The following SCOC variants were observed in gnomAD, a reference collection of about 807,000 sequenced individuals.
The protein encoded by SCOC is short coiled coil protein.
In SCOC, 7 loss-of-function variants were observed where a neutral mutation model predicts 9.9. The observed-to-expected ratio is 0.71, with a 90% CI of 0.40 to 1.33. The LOEUF (loss-of-function observed/expected upper bound fraction) is 1.33, where lower values mean the gene tolerates loss of function less well. Among genes scored for constraint, SCOC ranks in the 40% most tolerant of loss-of-function variants. The probability of loss-of-function intolerance (pLI) is 0.01; values close to 1 mark genes in which losing one functional copy is unlikely to be tolerated. For synonymous variants in SCOC, 19 were observed against 28.2 expected, an observed-to-expected ratio of 0.67 and a Z score of 1.03; for missense variants, 66 against 89.7, an observed-to-expected ratio of 0.74 and a Z score of 1.07.
chr4:140,260,507 T>G (rs994492130), intron 1 of SCOC, among the ~76,000 whole-genome samples: 22 of 152,214 alleles, frequency 1.4e-4, no homozygotes, highest in African/African-American at 5.3e-4. Context: ...AAAAGATCTA[T>G]CATATGCTCG....
chr4:140,348,858 A>C (rs1203477105), intron 2 of SCOC, among the ~76,000 whole-genome samples: 1 of 152,140 alleles, frequency 6.6e-6, no homozygotes, highest in Non-Finnish European at 1.5e-5. Flanking sequence ...TGTTCTCCAC[A>C]TCCTGGCCAA....
intron 1 of SCOC, among the ~76,000 whole-genome samples, chr4:140,267,171 G>A (rs1730747287): frequency 6.6e-6 from 1 of 152,214 alleles, no homozygotes; most frequent in Admixed American, 6.5e-5. Flanking sequence ...AATCGGTAAA[G>A]ACACTGGTGA....
intron 1 of SCOC, among the ~76,000 whole-genome samples, chr4:140,317,677 T>A (rs1192776303): frequency 6.9e-6 from 1 of 145,896 alleles, no homozygotes; most frequent in African/African-American, 2.6e-5. Context: ...TTTTATTTAT[T>A]TTATTTGTAT....
At chr4:140,263,299 A>T (rs1056431797) in intron 1 of SCOC, among the ~76,000 whole-genome samples, 5 of 152,180 alleles carry the variant, frequency 3.3e-5, no homozygotes, top group Non-Finnish European at 7.3e-5. Flanking sequence ...TCCACAGAGC[A>T]ATTTAGGACC....
intron 1 of SCOC, among the ~76,000 whole-genome samples, chr4:140,326,695 T>C (rs924546740): frequency 6.6e-6 from 1 of 152,302 alleles, no homozygotes; most frequent in East Asian, 1.9e-4. Flanking sequence ...GGACTTCTAA[T>C]GCTAAAGTCT....
At chr4:140,274,012 A>G (rs1253791751) in intron 1 of SCOC, among the ~76,000 whole-genome samples, 2 of 152,234 alleles carry the variant, frequency 1.3e-5, no homozygotes, top group African/African-American at 2.4e-5. Flanking sequence ...TCTGTTTTCT[A>G]TGGAAAATAT....
chr4:140,379,974 C>G (rs774757640), intron 3 of SCOC, among the ~76,000 whole-genome samples: 2 of 151,982 alleles, frequency 1.3e-5, no homozygotes, highest in Non-Finnish European at 2.9e-5. Flanking sequence ...ATGTATTAGC[C>G]TTGGAGATTA....
chr4:140,317,416 T>C (rs1305571094), intron 1 of SCOC, among the ~76,000 whole-genome samples: 1 of 152,162 alleles, frequency 6.6e-6, no homozygotes, highest in Non-Finnish European at 1.5e-5. Flanking sequence ...AAAAGCATTG[T>C]GAAAATCCCT....
At chr4:140,363,245 A>G (rs1287429100) in intron 2 of SCOC, among the ~76,000 whole-genome samples, 2 of 152,182 alleles carry the variant, frequency 1.3e-5, no homozygotes, top group Non-Finnish European at 2.9e-5. Flanking sequence ...CAGACATCTC[A>G]TGTCTTCCGC....
chr4:140,383,644 A>G lies in SCOC; in HGVS notation c.*2540A>G, dbSNP rs1221216480. The G allele has an allele frequency of 3.3e-5, 5 of 152,236 alleles. No individual in the cohort carries two copies. The highest frequency in any genetic ancestry group is 9.6e-5 in the African/African-American group (4 of 41,532). The allele number at this position is 152,236 out of a possible 1,614,324, so 9.4% of individuals were successfully genotyped here. A position where few individuals can be genotyped will look rare whatever the true frequency, so the allele number is the denominator to read the frequency against. ...TCCTTATCCATTTTCTTCCATGGCT[A>G]CCTCAGAAGTAGAGATTGGGTGTTC... On this transcript the variant is annotated 3_prime_UTR_variant, in exon 4 of 4. Transcript: ENST00000608372.
upstream of SCOC, among the ~76,000 whole-genome samples, chr4:140,343,235 T>G (rs534197602): frequency 9.2e-5 from 14 of 152,332 alleles, no homozygotes; most frequent in South Asian, 2.9e-3. Flanking sequence ...CTTGAGAAGT[T>G]TACCGTGGGT....
chr4:140,374,083 G>A, intron 1 of SCOC: 1 of 484,010 alleles, frequency 2.1e-6, no homozygotes, highest in South Asian at 1.5e-5. Flanking sequence ...GGTGGAATGG[G>A]ACCTGGCACG....
At chr4:140,371,504 A>G (rs1260482933), upstream of SCOC, among the ~76,000 whole-genome samples, 2 of 152,224 alleles carry the variant, frequency 1.3e-5, no homozygotes, top group Admixed American at 6.5e-5. Flanking sequence ...TAGAACCACC[A>G]TAACTTGTGT....
upstream of SCOC, among the ~76,000 whole-genome samples, chr4:140,372,986 C>A (rs562550684): frequency 6.6e-6 from 1 of 152,212 alleles, no homozygotes; most frequent in Non-Finnish European, 1.5e-5. Context: ...GTAAGGTAAG[C>A]ACAAGTGCTA....
chr4:140,283,313 A>C (rs997389503), intron 1 of SCOC, among the ~76,000 whole-genome samples: 1 of 152,218 alleles, frequency 6.6e-6, no homozygotes, highest in African/African-American at 2.4e-5. Context: ...AAATGATAGA[A>C]GTTCTTCTAC....
intron 1 of SCOC, chr4:140,291,404 G>A (rs545032528): frequency 1.4e-4 from 62 of 456,950 alleles, no homozygotes; most frequent in African/African-American, 1.2e-3. Flanking sequence ...TGCAGGGCAT[G>A]TGTCTTCCCA....
intron 1 of SCOC, among the ~76,000 whole-genome samples, chr4:140,315,317 T>C (rs963237112): frequency 7.9e-5 from 12 of 152,308 alleles, no homozygotes; most frequent in African/African-American, 2.6e-4. Flanking sequence ...TATTGTGTGA[T>C]TCTTTAGGCT....
chr4:140,332,359 CTTTTTTTTT>C (rs70943486), intron 1 of SCOC, among the ~76,000 whole-genome samples: 8 of 76,830 alleles, frequency 1.0e-4, no homozygotes, highest in Non-Finnish European at 2.3e-4. Context: ...CTGGAGTCAT[CTTTTTTTTT>C]TTTTTTTTTT....
At chr4:140,322,844 G>A (rs974945324) in intron 1 of SCOC, among the ~76,000 whole-genome samples, 1 of 152,096 alleles carries the variant, frequency 6.6e-6, no homozygotes, top group Non-Finnish European at 1.5e-5. Context: ...GGGATAGAAG[G>A]AATCCAGGTG....
Sources: gnomAD v4.1 joint callset for allele counts (sites outside exome capture counted in the v4.1 genomes callset) on GRCh38, gnomAD v4.1.1 for gene constraint, MANE v1.5 for transcripts, NCBI Gene and HGNC (gene_info 2026-07-23, HGNC 2026-07-21) for gene names.